TENM3: variants seen among roughly 807,000 people sequenced by gnomAD.
TENM3 encodes the protein teneurin-3.
TENM3 carries 63 observed loss-of-function variants against 255.1 expected under a neutral mutation model. The ratio of observed to expected loss-of-function variants is 0.25; its 90% CI spans 0.20 to 0.30. The LOEUF (loss-of-function observed/expected upper bound fraction) is 0.30, where lower values mean the gene tolerates loss of function less well. Among genes scored for constraint, TENM3 ranks in the 10% least tolerant of loss-of-function variants. The pLI, the probability that TENM3 is intolerant of heterozygous loss-of-function variation, is 1.00. For synonymous variants in TENM3, 1,306 were observed against 1,322.3 expected, an observed-to-expected ratio of 0.99 and a Z score of 0.27; for missense variants, 2,929 against 3,461.1, an observed-to-expected ratio of 0.85 and a Z score of 3.86.
At chr4:182,269,134 C>G (rs538735654) in intron 1 of TENM3, among the ~76,000 whole-genome samples, 5 of 152,080 alleles carry the variant, frequency 3.3e-5, no homozygotes, top group Non-Finnish European at 7.3e-5. Flanking sequence ...ATGGACAGTT[C>G]GGAAATGCTA....
the TENM3 span, among the ~76,000 whole-genome samples, chr4:181,708,307 A>G: frequency 6.6e-6 from 1 of 152,330 alleles, no homozygotes. Context: ...ATTATCTTAA[A>G]TGATATAATA....
At chr4:182,211,028 G>T (rs538752979) in intron 1 of TENM3, among the ~76,000 whole-genome samples, 13 of 152,234 alleles carry the variant, frequency 8.5e-5, no homozygotes, top group African/African-American at 3.1e-4. Flanking sequence ...GCCAACAGGG[G>T]CCCTACCCTT....
intron 1 of TENM3, among the ~76,000 whole-genome samples, chr4:182,286,625 G>A (rs1247638570): frequency 1.3e-5 from 2 of 152,152 alleles, no homozygotes; most frequent in Admixed American, 6.5e-5. Flanking sequence ...AGACTGTTTG[G>A]TCTCAATTGT....
chr4:182,167,344 T>G (rs1265394589), intron 1 of TENM3, among the ~76,000 whole-genome samples: 4 of 152,196 alleles, frequency 2.6e-5, no homozygotes, highest in Admixed American at 2.6e-4. Context: ...AGTATAAATT[T>G]TACATAATTA....
At chr4:181,991,687 G>A in the TENM3 span, among the ~76,000 whole-genome samples, 1 of 152,106 alleles carries the variant, frequency 6.6e-6, no homozygotes, top group Non-Finnish European at 1.5e-5. Context: ...ATGAAAGAGT[G>A]AATAAAGAGA....
Position 182,193,460 on chromosome 4 carries a change from T to C in TENM3, c.-76+48706T>C, listed in dbSNP as rs369569055. Reference sequence around the variant, plus strand: ...CAGTCTTTACATTTATTGGTTCTTTTGTAGACCTGTTTCATTCAATCTATT... The same window carrying C: ...CAGTCTTTACATTTATTGGTTCTTTCGTAGACCTGTTTCATTCAATCTATT... On this transcript the variant is annotated intron_variant, in intron 1 of 2. Transcript: ENST00000512480. Among the ~76,000 whole-genome samples the C allele has an allele frequency of 7.9e-4, 120 of 152,330 alleles. 1 individual carries two copies. Among genetic ancestry groups the C allele is most frequent in the African/African-American group, 2.8e-3 (116 of 41,578 alleles).
At chr4:181,655,157 C>A in the TENM3 span, among the ~76,000 whole-genome samples, 1 of 152,172 alleles carries the variant, frequency 6.6e-6, no homozygotes, top group Non-Finnish European at 1.5e-5. Context: ...GAGAAGGAAG[C>A]TGCCAGTGAG....
chr4:182,384,311 G>GT (rs10638816), intron 3 of TENM3, among the ~76,000 whole-genome samples: 19,520 of 147,836 alleles, frequency 0.13, 2,579 homozygotes, highest in African/African-American at 0.34. Context: ...CTGTGGTTCA[G>GT]TTTTTTTTTT....
chr4:182,230,038 C>T lies in TENM3; in HGVS notation c.-76+85284C>T, dbSNP rs147424444. ...ATGTGTGAATAAATATGCATTATTTCCCTATTTTAAGTAGCCAGAGACTCA... is the reference window on the plus strand; with the variant it reads ...ATGTGTGAATAAATATGCATTATTTTCCTATTTTAAGTAGCCAGAGACTCA... On this transcript the variant is annotated intron_variant, in intron 1 of 2. Transcript: ENST00000512480. Among the ~76,000 whole-genome samples the T allele has an allele frequency of 2.9e-3, 439 of 151,292 alleles. 8 individuals are homozygous for T. The highest frequency in any genetic ancestry group is 9.9e-3 in the African/African-American group (407 of 41,130).
the TENM3 span, among the ~76,000 whole-genome samples, chr4:181,477,096 A>G: frequency 2.6e-5 from 4 of 152,144 alleles, no homozygotes; most frequent in Non-Finnish European, 5.9e-5. Context: ...TCATTCATTC[A>G]TTCATTCATC....
At chr4:182,712,273 C>T (rs924919355) in intron 12 of TENM3, among the ~76,000 whole-genome samples, 3 of 152,084 alleles carry the variant, frequency 2.0e-5, no homozygotes, top group African/African-American at 7.2e-5. Flanking sequence ...TTCCCTTTCT[C>T]CTCAGATTAC....
chr4:181,461,462 T>G, the TENM3 span, among the ~76,000 whole-genome samples: 2 of 152,268 alleles, frequency 1.3e-5, no homozygotes, highest in Admixed American at 1.3e-4. Flanking sequence ...TTCTTCAAAT[T>G]TTTTCTATTC....
chr4:182,664,828 A>G lies in TENM3; in HGVS notation c.1112-8177A>G, dbSNP rs547614507. Among the ~76,000 whole-genome samples the G allele has an allele frequency of 4.6e-5, 7 of 152,320 alleles. No individual in the cohort carries two copies. In the East Asian group the frequency reaches 5.8e-4, roughly 13 times the overall value. The stretch of plus-strand genomic sequence containing the variant: ...AGAGCAAGGCTGTCTCTTCAAATCT[A>G]TGAAGGCTGAGAGAGGTGAGGAAGC... On this transcript the variant is annotated intron_variant, in intron 6 of 27. Coordinates refer to ENST00000511685, the MANE Select transcript of TENM3 (RefSeq NM_001080477.4).
At chr4:181,827,252 A>G in the TENM3 span, among the ~76,000 whole-genome samples, 1 of 152,186 alleles carries the variant, frequency 6.6e-6, no homozygotes, top group Non-Finnish European at 1.5e-5. Context: ...GTAACTCTTT[A>G]AGATCCGTAT....
At chr4:182,038,876 GGC>G in the TENM3 span, among the ~76,000 whole-genome samples, 1 of 152,058 alleles carries the variant, frequency 6.6e-6, no homozygotes, top group African/African-American at 2.4e-5. Context: ...TGGGATTATA[GGC>G]GCCCGCCACC....
the TENM3 span, among the ~76,000 whole-genome samples, chr4:182,013,974 A>ACG: frequency 4.3e-5 from 5 of 117,120 alleles, no homozygotes; most frequent in Admixed American, 4.5e-4. Context: ...ATACGTATAT[A>ACG]TACGTGTATA....
intron 3 of TENM3, among the ~76,000 whole-genome samples, chr4:182,581,597 C>T (rs981911544): frequency 6.6e-6 from 1 of 151,978 alleles, no homozygotes; most frequent in African/African-American, 2.4e-5. Flanking sequence ...ATTAGGCAGG[C>T]ATGATGGTGA....
At chr4:182,577,352 T>TA (rs1380025555) in intron 3 of TENM3, among the ~76,000 whole-genome samples, 12 of 152,196 alleles carry the variant, frequency 7.9e-5, no homozygotes, top group Middle Eastern at 3.2e-3. Context: ...TGAAAGTACC[T>TA]GAAGTACAGT....
the TENM3 span, among the ~76,000 whole-genome samples, chr4:181,694,327 T>C: frequency 1.3e-4 from 20 of 152,292 alleles, no homozygotes; most frequent in African/African-American, 3.6e-4. Context: ...TTTTAGAAAC[T>C]TTACTCAAGT....
Sources: gnomAD v4.1 joint callset for allele counts (sites outside exome capture counted in the v4.1 genomes callset) on GRCh38, gnomAD v4.1.1 for gene constraint, MANE v1.5 for transcripts, NCBI Gene and HGNC (gene_info 2026-07-23, HGNC 2026-07-21) for gene names.